Variants in ITGB5 observed in about 807,000 individuals in gnomAD.
ITGB5 encodes integrin beta-5.
Under a neutral mutation model 84.8 loss-of-function variants are expected in ITGB5, and 38 were observed. The ratio of observed to expected loss-of-function variants is 0.45; its 90% CI spans 0.35 to 0.59. The LOEUF is 0.59. Among genes scored for constraint, ITGB5 ranks in the 20% least tolerant of loss-of-function variants. The pLI is 0.01. For missense variants in ITGB5, 905 were observed against 1,034.5 expected, an observed-to-expected ratio of 0.87 and a Z score of 1.72; for synonymous variants, 393 against 414.4, an observed-to-expected ratio of 0.95 and a Z score of 0.63.
intron 1 of ITGB5, among the ~76,000 whole-genome samples, chr3:124,877,626 G>A (rs1934385915): frequency 6.6e-6 from 1 of 152,132 alleles, no homozygotes; most frequent in Admixed American, 6.5e-5. Flanking sequence ...ATGAGAGTAT[G>A]TGACTTGAAA....
chr3:124,803,472 C>T (rs77385862), intron 9 of ITGB5, among the ~76,000 whole-genome samples: 4 of 152,304 alleles, frequency 2.6e-5, no homozygotes, highest in East Asian at 1.9e-4. Context: ...GTAAGGGGCA[C>T]GTTGGACACG....
intron 10 of ITGB5, among the ~76,000 whole-genome samples, chr3:124,789,070 T>A (rs2064120827): frequency 6.6e-6 from 1 of 152,242 alleles, no homozygotes; most frequent in Non-Finnish European, 1.5e-5. Context: ...ACCTCTGTCA[T>A]GGAAGTCACC....
chr3:124,879,371 T>C (rs921593604), intron 1 of ITGB5, among the ~76,000 whole-genome samples: 4 of 152,258 alleles, frequency 2.6e-5, no homozygotes, highest in African/African-American at 9.6e-5. Context: ...AAATGGCCTT[T>C]CTGCCTTGAA....
chr3:124,855,933 G>T (rs1002721352), intron 3 of ITGB5, among the ~76,000 whole-genome samples: 1 of 152,034 alleles, frequency 6.6e-6, no homozygotes, highest in African/African-American at 2.4e-5. Context: ...CAAACCTGCC[G>T]TTACTCAAAT....
chr3:124,795,957 C>T (rs1200803024), intron 10 of ITGB5, among the ~76,000 whole-genome samples: 1 of 152,164 alleles, frequency 6.6e-6, no homozygotes, highest in Non-Finnish European at 1.5e-5. Flanking sequence ...TTATTTTAAG[C>T]CAACAGGTTT....
chr3:124,869,252 C>A (rs2065440681), intron 2 of ITGB5, among the ~76,000 whole-genome samples: 1 of 152,184 alleles, frequency 6.6e-6, no homozygotes. Context: ...GCCACACTTA[C>A]TCTGTCTTGC....
At chr3:124,886,852 TC>T in intron 1 of ITGB5, 78 bp downstream of exon 1, 4 of 914,108 alleles carry the variant, frequency 4.4e-6, no homozygotes, top group Non-Finnish European at 5.6e-6. Flanking sequence ...CCGCCTGCGC[TC>T]CCCGCCCCTC....
intron 10 of ITGB5, among the ~76,000 whole-genome samples, chr3:124,774,775 G>C (rs1371106390): frequency 3.4e-5 from 5 of 146,954 alleles, no homozygotes; most frequent in Non-Finnish European, 7.6e-5. Flanking sequence ...TTTAGGAGCA[G>C]ATGCTGAGAA....
chr3:124,796,254 C>T (rs2064221426), intron 10 of ITGB5, 134 bp downstream of exon 10: 3 of 819,060 alleles, frequency 3.7e-6, no homozygotes, highest in East Asian at 2.5e-5. Context: ...GCAAGGCTTG[C>T]CCACTGTCTT....
intron 4 of ITGB5, among the ~76,000 whole-genome samples, chr3:124,847,980 C>A (rs1367676384): frequency 6.6e-6 from 1 of 152,144 alleles, no homozygotes; most frequent in East Asian, 1.9e-4. Context: ...TTAAGTTGCC[C>A]TGCCTGCTGC....
intron 3 of ITGB5, among the ~76,000 whole-genome samples, chr3:124,856,620 G>A (rs1320323541): frequency 6.6e-6 from 1 of 152,106 alleles, no homozygotes; most frequent in Non-Finnish European, 1.5e-5. Flanking sequence ...AGAGGACATA[G>A]TAAAAATGAA....
intron 3 of ITGB5, among the ~76,000 whole-genome samples, chr3:124,852,221 T>C (rs1406355878): frequency 6.6e-6 from 1 of 152,220 alleles, no homozygotes; most frequent in East Asian, 1.9e-4. Context: ...TCCCGGCCCA[T>C]GTGTCAGGAT....
At chr3:124,847,961 G>A (rs1195726763) in intron 4 of ITGB5, among the ~76,000 whole-genome samples, 1 of 152,150 alleles carries the variant, frequency 6.6e-6, no homozygotes, top group Non-Finnish European at 1.5e-5. Context: ...CTACAAGCAA[G>A]GGGAAAGTTT....
chr3:124,766,562 G>A (rs767694362), intron 12 of ITGB5, among the ~76,000 whole-genome samples: 1 of 152,314 alleles, frequency 6.6e-6, no homozygotes, highest in East Asian at 1.9e-4. Flanking sequence ...GGGGACACGT[G>A]GAACACATTA....
At chr3:124,779,976 G>A (rs2063980209) in intron 10 of ITGB5, among the ~76,000 whole-genome samples, 1 of 152,224 alleles carries the variant, frequency 6.6e-6, no homozygotes, top group Admixed American at 6.5e-5. Context: ...CAGAGCCTGA[G>A]GGAGCTGCTC....
intron 4 of ITGB5, among the ~76,000 whole-genome samples, chr3:124,847,954 C>T (rs1027836503): frequency 1.3e-5 from 2 of 152,158 alleles, no homozygotes; most frequent in African/African-American, 4.8e-5. Context: ...TCAGTTACTA[C>T]AAGCAAGGGG....
chr3:124,783,616 TAAGAA>T (rs1171793091), intron 10 of ITGB5, among the ~76,000 whole-genome samples: 1 of 152,170 alleles, frequency 6.6e-6, no homozygotes, highest in Non-Finnish European at 1.5e-5. Context: ...ATGCTGGACA[TAAGAA>T]AAGGAACAGA....
chr3:124,830,782 G>A (rs749360436), intron 5 of ITGB5, among the ~76,000 whole-genome samples: 1 of 152,168 alleles, frequency 6.6e-6, no homozygotes, highest in Non-Finnish European at 1.5e-5. Flanking sequence ...TCAGGAGTTT[G>A]AGACCGGCCT....
At chr3:124,893,233 A>C (rs1219887226) in intron 1 of ITGB5, among the ~76,000 whole-genome samples, 2 of 151,896 alleles carry the variant, frequency 1.3e-5, no homozygotes, top group African/African-American at 4.8e-5. Context: ...CATGGTGAAA[A>C]CCCATCTCTA....
Sources: allele counts gnomAD v4.1 joint callset (sites outside exome capture counted in the v4.1 genomes callset), GRCh38; gene constraint gnomAD v4.1.1; transcripts MANE v1.5; gene names NCBI Gene and HGNC (gene_info 2026-07-23, HGNC 2026-07-21).